The following RALB variants were observed in gnomAD, a reference collection of about 807,000 sequenced individuals.
RALB encodes ras-related protein Ral-B.
Under a neutral mutation model 21.3 loss-of-function variants are expected in RALB, and 16 were observed. The observed-to-expected ratio is 0.75, with a 90% CI of 0.51 to 1.14. The LOEUF is 1.14. Ranked by LOEUF, RALB falls within the 50% of genes most tolerant of loss-of-function variation. RALB has a pLI of 0.00. For synonymous variants in RALB, 93 were observed against 96.1 expected (o/e 0.97, Z 0.19); for missense variants, 161 against 256.2 (o/e 0.63, Z 2.54).
intron 1 of RALB, among the ~76,000 whole-genome samples, chr2:120,270,999 G>A (rs72956891): frequency 0.019 from 2,841 of 152,232 alleles, 95 homozygotes; most frequent in African/African-American, 0.065. Context: ...TTCTGTTGCC[G>A]TAATACTCAG....
chr2:120,268,057 TG>T (rs1255744497), intron 1 of RALB, among the ~76,000 whole-genome samples: 1 of 152,230 alleles, frequency 6.6e-6, no homozygotes, highest in Non-Finnish European at 1.5e-5. Flanking sequence ...CCCAAAGTGC[TG>T]GGATTACAGG....
chr2:120,245,384 T>TGTGA (rs1199760177), intron 1 of RALB, among the ~76,000 whole-genome samples: 1 of 152,222 alleles, frequency 6.6e-6, no homozygotes, highest in Non-Finnish European at 1.5e-5. Flanking sequence ...CCTCTCAGGC[T>TGTGA]GTGAGATCCT....
chr2:120,279,986 G>A (rs1446357517), intron 2 of RALB, among the ~76,000 whole-genome samples: 1 of 152,194 alleles, frequency 6.6e-6, no homozygotes, highest in South Asian at 2.1e-4. Context: ...GGCATGTGGC[G>A]ATTATCGCTG....
chr2:120,245,862 C>T lies in RALB; in HGVS notation c.19+5737C>T, dbSNP rs552627313. Among the ~76,000 whole-genome samples the T allele has an allele frequency of 1.1e-4, 16 of 152,280 alleles. No individual in the cohort carries two copies. The East Asian group carries it at 1.5e-3, about 15-fold the overall frequency. On this transcript the variant is annotated intron_variant, in intron 1 of 3. Transcript: ENST00000447591. ...CCCAATGTCATTGCTGCTTTATTTT[C>T]GTTCCTGTCTGCCAGAGTTCTTCTT...
intron 1 of RALB, among the ~76,000 whole-genome samples, chr2:120,263,764 A>G (rs1402615638): frequency 6.6e-6 from 1 of 152,108 alleles, no homozygotes; most frequent in African/African-American, 2.4e-5. Context: ...TCCTGAGCTC[A>G]AGCATTCCGC....
chr2:120,268,471 GT>G (rs1298713815), intron 1 of RALB, among the ~76,000 whole-genome samples: 2 of 152,174 alleles, frequency 1.3e-5, no homozygotes, highest in African/African-American at 4.8e-5. Context: ...GCGCTACCTT[GT>G]CACCATCAGT....
intron 1 of RALB, among the ~76,000 whole-genome samples, chr2:120,268,013 A>C (rs942343640): frequency 2.0e-5 from 3 of 152,160 alleles, no homozygotes; most frequent in African/African-American, 7.2e-5. Context: ...GATGGTCTTG[A>C]GCTCCTGACC....
intron 1 of RALB, among the ~76,000 whole-genome samples, chr2:120,264,961 A>G (rs1442057929): frequency 2.0e-5 from 3 of 152,204 alleles, no homozygotes; most frequent in African/African-American, 7.2e-5. Context: ...TGAATATTCT[A>G]CATTTACACC....
intron 1 of RALB, among the ~76,000 whole-genome samples, chr2:120,265,959 A>G (rs1689492503): frequency 6.6e-6 from 1 of 152,240 alleles, no homozygotes; most frequent in South Asian, 2.1e-4. Flanking sequence ...GTGAATCTGT[A>G]TAAATGTGTA....
chr2:120,277,385 ATGTATG>A (rs1219500318), intron 1 of RALB, among the ~76,000 whole-genome samples: 2 of 151,046 alleles, frequency 1.3e-5, no homozygotes, highest in Non-Finnish European at 2.9e-5. Flanking sequence ...TGGCGTGAAC[ATGTATG>A]TGTGAGAGCA....
In RALB at chr2:120,278,860, C is replaced by T. The variant is rs117312514; in HGVS notation, c.114+82C>T. On this transcript the variant is annotated intron_variant, in intron 2 of 4. Coordinates refer to ENST00000272519, the MANE Select transcript of RALB (RefSeq NM_002881.3). ...TGCTCCCGCTGTTTCTGTGCCGGTC[C>T]TCCCGTACACAGGGGTTCACGGAGC... 7.2e-5 allele frequency: 94 copies of T among 1,299,270 alleles called. No individual in the cohort carries two copies. In the East Asian group the frequency reaches 2.3e-3, roughly 32 times the overall value. The allele number at this position is 1,299,270 out of a possible 1,614,324, so 80.5% of individuals were successfully genotyped here. A position where few individuals can be genotyped will look rare whatever the true frequency, so the allele number is the denominator to read the frequency against.
chr2:120,240,331 C>T (rs1688874064), intron 1 of RALB, among the ~76,000 whole-genome samples: 2 of 150,774 alleles, frequency 1.3e-5, no homozygotes, highest in South Asian at 4.2e-4. Flanking sequence ...GTCACCCAGG[C>T]TGGAGTGCAG....
At chr2:120,246,994 G>A (rs542044240) in intron 1 of RALB, among the ~76,000 whole-genome samples, 31 of 152,224 alleles carry the variant, frequency 2.0e-4, no homozygotes, top group Non-Finnish European at 3.2e-4. Context: ...AGAGCTCAGC[G>A]CGGAATCTAG....
intron 1 of RALB, among the ~76,000 whole-genome samples, chr2:120,246,128 A>G (rs1574840939): frequency 6.6e-6 from 1 of 152,336 alleles, no homozygotes; most frequent in Admixed American, 6.5e-5. Flanking sequence ...CTATAAAAAA[A>G]TCCACAGTTT....
chr2:120,294,279 T>C lies in RALB; in HGVS notation c.*1019T>C, dbSNP rs1022918378. 2.5e-6 allele frequency: 1 copy of C among 398,560 alleles called. No individual in the cohort carries two copies. Among genetic ancestry groups the C allele is most frequent in the African/African-American group, 2.1e-5 (1 of 48,636 alleles). The allele number at this position is 398,560 out of a possible 1,614,324, so 24.7% of individuals were successfully genotyped here. ...AGACCTTCTGCTACCTCTCATAGAA[T>C]TGCTCTGTAATTCTAAATTTAAAAT... On this transcript the variant is annotated 3_prime_UTR_variant, in exon 5 of 5. Coordinates refer to ENST00000272519, the MANE Select transcript of RALB (RefSeq NM_002881.3).
intron 1 of RALB, among the ~76,000 whole-genome samples, chr2:120,261,504 CAG>C (rs1454113313): frequency 6.6e-6 from 1 of 152,110 alleles, no homozygotes; most frequent in African/African-American, 2.4e-5. Context: ...AGGGAGGGCA[CAG>C]GGGAGAGTCA....
chr2:120,289,483 TCTGCC>T, intron 3 of RALB, 92 bp from the exon 4 acceptor site: 2 of 1,285,168 alleles, frequency 1.6e-6, no homozygotes, highest in Admixed American at 2.1e-5. Flanking sequence ...TTTTTTTCCT[TCTGCC>T]TTAGGAAAGC....
At chr2:120,254,476 G>A (rs144434229) in intron 1 of RALB, among the ~76,000 whole-genome samples, 4 of 152,264 alleles carry the variant, frequency 2.6e-5, no homozygotes, top group East Asian at 1.9e-4. Flanking sequence ...CCAGGATTGT[G>A]TGTGGAAAAT....
At chr2:120,266,741 C>A (rs1396721400) in intron 1 of RALB, among the ~76,000 whole-genome samples, 1 of 152,158 alleles carries the variant, frequency 6.6e-6, no homozygotes, top group East Asian at 1.9e-4. Flanking sequence ...AAAAAGCTTA[C>A]CAGTTACCAT....
Sources: allele counts gnomAD v4.1 joint callset (sites outside exome capture counted in the v4.1 genomes callset), GRCh38; gene constraint gnomAD v4.1.1; transcripts MANE v1.5; gene names NCBI Gene and HGNC (gene_info 2026-07-23, HGNC 2026-07-21).